The following ANAPC1 variants were observed in gnomAD, a reference collection of about 807,000 sequenced individuals.
ANAPC1 encodes anaphase-promoting complex subunit 1.
A neutral mutation model predicts 208.0 loss-of-function variants in ANAPC1; 36 were observed. The observed-to-expected ratio is 0.17, with a 90% confidence interval of 0.13 to 0.23. The LOEUF (loss-of-function observed/expected upper bound fraction) is 0.23. Among genes scored for constraint, ANAPC1 ranks in the 10% least tolerant of loss-of-function variants. The pLI, the probability that ANAPC1 is intolerant of heterozygous loss-of-function variation, is 1.00. For synonymous variants in ANAPC1, 378 were observed against 695.2 expected (o/e 0.54, Z 7.18); for missense variants, 942 against 2,011.6 (o/e 0.47, Z 10.17).
At chr2:111,823,330 T>A (rs1679650437) in intron 24 of ANAPC1, among the ~76,000 whole-genome samples, 1 of 152,044 alleles carries the variant, frequency 6.6e-6, no homozygotes, top group Non-Finnish European at 1.5e-5. Flanking sequence ...GCAACAATAA[T>A]GCTTATCCAT....
At chr2:111,810,141 A>G (rs1335972739) in intron 28 of ANAPC1, among the ~76,000 whole-genome samples, 1 of 152,240 alleles carries the variant, frequency 6.6e-6, no homozygotes, top group Non-Finnish European at 1.5e-5. Flanking sequence ...TTGCTGATAG[A>G]TGGTACAACA....
intron 21 of ANAPC1, 116 bp downstream of exon 21, chr2:111,831,170 T>C (rs1680107323): frequency 2.2e-6 from 2 of 901,876 alleles, no homozygotes; most frequent in East Asian, 2.7e-5. Flanking sequence ...CATGAATCTA[T>C]ACACGTACTG....
chr2:111,842,147 T>C (rs967446405), intron 17 of ANAPC1, among the ~76,000 whole-genome samples: 4 of 152,212 alleles, frequency 2.6e-5, no homozygotes, highest in Admixed American at 2.0e-4. Context: ...TGGTTAACTA[T>C]GATAAAACTA....
intron 34 of ANAPC1, among the ~76,000 whole-genome samples, chr2:111,796,644 A>G (rs940934918): frequency 2.0e-4 from 29 of 148,070 alleles, no homozygotes; most frequent in African/African-American, 7.2e-4. Flanking sequence ...AAAGCTTTTT[A>G]TGAAAGAAAA....
intron 6 of ANAPC1, among the ~76,000 whole-genome samples, chr2:111,870,798 G>A (rs1471935974): frequency 6.6e-6 from 1 of 152,066 alleles, no homozygotes; most frequent in East Asian, 1.9e-4. Context: ...TTTTTCCAAG[G>A]TGATCTTCTA....
Position 111,873,714 on chromosome 2 carries a change from A to G in ANAPC1, c.376-50T>C, listed in dbSNP as rs1447744131. Reference sequence around the variant, plus strand: ...CTAAGAAAATTATATCTAAATAATCATCTATTAACTAATGGCATCTAAATA... The same window carrying G: ...CTAAGAAAATTATATCTAAATAATCGTCTATTAACTAATGGCATCTAAATA... On this transcript the variant is annotated intron_variant, in intron 3 of 47. Coordinates refer to ENST00000341068, the MANE Select transcript of ANAPC1 (RefSeq NM_022662.4). 4 of 1,514,066 alleles carry G rather than the reference A, an allele frequency of 2.6e-6. No individual in the cohort carries two copies. In the South Asian group the frequency reaches 5.4e-5, roughly 20 times the overall value. The allele number at this position is 1,514,066 out of a possible 1,614,324, so 93.8% of individuals were successfully genotyped here. A position where few individuals can be genotyped will look rare whatever the true frequency, so the allele number is the denominator to read the frequency against.
chr2:111,836,156 T>G (rs1680455507), intron 18 of ANAPC1, among the ~76,000 whole-genome samples: 1 of 151,794 alleles, frequency 6.6e-6, no homozygotes, highest in South Asian at 2.1e-4. Flanking sequence ...CCTGGCTAAT[T>G]TTCAAATTTT....
At chr2:111,868,978 T>C (rs748051287) in intron 6 of ANAPC1, among the ~76,000 whole-genome samples, 11 of 152,186 alleles carry the variant, frequency 7.2e-5, no homozygotes, top group Non-Finnish European at 1.5e-4. Flanking sequence ...TGACAGGTGC[T>C]GTATGCTGCT....
intron 9 of ANAPC1, 148 bp from the exon 10 acceptor site, chr2:111,862,746 G>C (rs1378048052): frequency 1.1e-6 from 1 of 897,736 alleles, no homozygotes; most frequent in Non-Finnish European, 1.6e-6. Flanking sequence ...TCAAAAAGGA[G>C]TAGCTATTTA....
At chr2:111,767,049 T>C (rs555602071), downstream of ANAPC1, 294 of 451,192 alleles carry the variant, frequency 6.5e-4, no homozygotes, top group African/African-American at 3.8e-3. Context: ...ACCACCACTC[T>C]GAGTGTATGT....
At chr2:111,883,617 G>C (rs1394863248) in intron 1 of ANAPC1, among the ~76,000 whole-genome samples, 1 of 152,178 alleles carries the variant, frequency 6.6e-6, no homozygotes, top group African/African-American at 2.4e-5. Context: ...CTAGAGGACG[G>C]TGAAAACAGG....
At chr2:111,797,352 G>T (rs1678217326) in intron 34 of ANAPC1, among the ~76,000 whole-genome samples, 1 of 152,094 alleles carries the variant, frequency 6.6e-6, no homozygotes, top group African/African-American at 2.4e-5. Context: ...ATTTACAGAG[G>T]ATTAATGAGT....
At chr2:111,815,158 A>G (rs1394199905) in intron 28 of ANAPC1, among the ~76,000 whole-genome samples, 7 of 147,410 alleles carry the variant, frequency 4.7e-5, no homozygotes, top group African/African-American at 1.3e-4. Flanking sequence ...AAAAAAAAAA[A>G]AAAAAAAAGC....
At chr2:111,829,709 TAAA>T (rs1270702798) in intron 21 of ANAPC1, among the ~76,000 whole-genome samples, 4 of 152,026 alleles carry the variant, frequency 2.6e-5, no homozygotes, top group South Asian at 2.1e-4. Flanking sequence ...TAAAAATAAA[TAAA>T]GAAGTGTTTC....
intron 19 of ANAPC1, among the ~76,000 whole-genome samples, chr2:111,833,541 G>A (rs866437691): frequency 5.9e-5 from 9 of 151,874 alleles, no homozygotes; most frequent in Non-Finnish European, 1.0e-4. Context: ...TAAAAGCACC[G>A]TGATCTAGTT....
chr2:111,857,886 T>G, intron 11 of ANAPC1, among the ~76,000 whole-genome samples: 1 of 152,176 alleles, frequency 6.6e-6, no homozygotes, highest in East Asian at 1.9e-4. Flanking sequence ...GAAATAATGA[T>G]ACATGTTACA....
rs147822390 is a variant in ANAPC1, at chr2:111,809,079, C to A, written c.3700G>T (p.Ala1234Ser). 1.9e-6 allele frequency: 3 copies of A among 1,611,776 alleles called. No homozygotes were observed. The highest frequency in any genetic ancestry group is 2.5e-6 in the Non-Finnish European group (3 of 1,179,870). Residue 1234 changes from alanine to serine, a missense_variant, in exon 29 of 48, where the codon GCT becomes TCT. By Grantham distance (99) the Ala-to-Ser change is moderately conservative. Transcript: ENST00000341068. The part of the protein sequence containing the change: ...ITRLLSIHIP[A>S]LLPPTSTELD... ...TCTGTGGACGTTGGGGGTAAGAGAG[C>A]AGGAATGTGAATGCTAAGAAGCCGA...
chr2:111,854,008 G>A (rs925679642), intron 13 of ANAPC1, among the ~76,000 whole-genome samples: 11 of 152,116 alleles, frequency 7.2e-5, no homozygotes, highest in African/African-American at 1.2e-4. Flanking sequence ...GAGCTGCCAC[G>A]CCCAGCCCAG....
chr2:111,852,908 G>C (rs577164486), intron 13 of ANAPC1, among the ~76,000 whole-genome samples: 2 of 152,110 alleles, frequency 1.3e-5, no homozygotes, highest in South Asian at 4.2e-4. Flanking sequence ...AGGATCGCTT[G>C]AGTCAGGAGG....
Sources: allele counts gnomAD v4.1 joint callset (sites outside exome capture counted in the v4.1 genomes callset), GRCh38; gene constraint gnomAD v4.1.1; transcripts MANE v1.5; gene names NCBI Gene and HGNC (gene_info 2026-07-23, HGNC 2026-07-21).